Variants in DCC observed in about 807,000 individuals in gnomAD.
DCC encodes the protein netrin receptor DCC.
Under a neutral mutation model 172.5 loss-of-function variants are expected in DCC, and 58 were observed. That is an observed-to-expected ratio of 0.34 (90% CI 0.27 to 0.42). The LOEUF is 0.42. Ranked by LOEUF, DCC falls within the 10% of genes least tolerant of loss-of-function variation. The pLI is 1.00. For synonymous variants in DCC, 709 were observed against 644.5 expected, an observed-to-expected ratio of 1.10 and a Z score of -1.52; for missense variants, 1,740 against 1,791.0, an observed-to-expected ratio of 0.97 and a Z score of 0.51.
At chr18:53,158,261 A>G (rs1231011259) in intron 8 of DCC, among the ~76,000 whole-genome samples, 2 of 152,232 alleles carry the variant, frequency 1.3e-5, no homozygotes, top group Non-Finnish European at 2.9e-5. Flanking sequence ...GTTATTGTGG[A>G]TATTACTATT....
intron 12 of DCC, among the ~76,000 whole-genome samples, chr18:53,224,187 C>G (rs1325415171): frequency 6.6e-6 from 1 of 152,114 alleles, no homozygotes; most frequent in Non-Finnish European, 1.5e-5. Flanking sequence ...TTGAGGACCT[C>G]ATTTAAATCA....
At chr18:52,934,914 A>T (rs1568196926) in intron 5 of DCC, 1 of 152,128 alleles carries the variant, frequency 6.6e-6, no homozygotes, top group African/African-American at 2.4e-5. Context: ...GAACTTCCTA[A>T]TCTCCAGAGC....
intron 8 of DCC, among the ~76,000 whole-genome samples, chr18:53,171,731 A>G (rs568571816): frequency 9.9e-5 from 15 of 152,250 alleles, no homozygotes; most frequent in Admixed American, 3.9e-4. Context: ...ATAAACAGAT[A>G]CTTCTCAAAA....
intron 1 of DCC, among the ~76,000 whole-genome samples, chr18:52,368,917 A>T (rs556558476): frequency 1.4e-4 from 21 of 152,306 alleles, no homozygotes; most frequent in Admixed American, 1.0e-3. Context: ...CCAGAAAAGT[A>T]TGTATCATGA....
intron 2 of DCC, among the ~76,000 whole-genome samples, chr18:52,810,829 T>C (rs932047236): frequency 3.3e-5 from 5 of 152,188 alleles, no homozygotes; most frequent in African/African-American, 1.2e-4. Flanking sequence ...GTAACTTGGC[T>C]TTCAGGCTTC....
intron 1 of DCC, among the ~76,000 whole-genome samples, chr18:52,381,511 A>G (rs2144325048): frequency 6.6e-6 from 1 of 152,206 alleles, no homozygotes; most frequent in Non-Finnish European, 1.5e-5. Context: ...ACATTGAGGA[A>G]CCTGACCCAG....
At chr18:52,794,221 C>G (rs1438717027) in intron 2 of DCC, among the ~76,000 whole-genome samples, 1 of 151,928 alleles carries the variant, frequency 6.6e-6, no homozygotes, top group East Asian at 1.9e-4. Context: ...CATTATGTCT[C>G]TTGAATCTGT....
intron 12 of DCC, among the ~76,000 whole-genome samples, chr18:53,268,215 C>T (rs1785199868): frequency 6.6e-6 from 1 of 152,150 alleles, no homozygotes; most frequent in Non-Finnish European, 1.5e-5. Flanking sequence ...GAGGTCATTT[C>T]TTCTGTAACC....
At chr18:52,522,009 G>A (rs1004337749) in intron 1 of DCC, among the ~76,000 whole-genome samples, 4 of 152,122 alleles carry the variant, frequency 2.6e-5, no homozygotes, top group African/African-American at 9.7e-5. Context: ...TCTGCAAGCT[G>A]ACTTTGAAAA....
intron 1 of DCC, among the ~76,000 whole-genome samples, chr18:52,491,293 C>A (rs1157165622): frequency 6.6e-6 from 1 of 151,954 alleles, no homozygotes; most frequent in Non-Finnish European, 1.5e-5. Flanking sequence ...AATTTGCAGT[C>A]TAATGGAGGA....
intron 12 of DCC, among the ~76,000 whole-genome samples, chr18:53,281,499 C>G (rs968367606): frequency 7.2e-5 from 11 of 152,066 alleles, no homozygotes; most frequent in Admixed American, 1.3e-4. Flanking sequence ...AGGCCTTGTC[C>G]CCAAGGACCT....
At chr18:52,593,747 A>G (rs1298579026) in intron 1 of DCC, among the ~76,000 whole-genome samples, 2 of 152,196 alleles carry the variant, frequency 1.3e-5, no homozygotes, top group African/African-American at 2.4e-5. Context: ...GTAGAGCTCT[A>G]TCTGCTAGAT....
intron 1 of DCC, among the ~76,000 whole-genome samples, chr18:52,751,827 C>T (rs1449331790): frequency 1.3e-5 from 2 of 151,884 alleles, no homozygotes; most frequent in East Asian, 3.9e-4. Flanking sequence ...TGTAATTTCT[C>T]ATAATATTAA....
intron 1 of DCC, among the ~76,000 whole-genome samples, chr18:52,535,589 A>G (rs1383227754): frequency 6.6e-6 from 1 of 152,208 alleles, no homozygotes; most frequent in Non-Finnish European, 1.5e-5. Context: ...TAAAAGGTAT[A>G]ATCTCCATAA....
intron 12 of DCC, among the ~76,000 whole-genome samples, chr18:53,259,217 G>T (rs1206682256): frequency 2.0e-5 from 3 of 152,098 alleles, no homozygotes; most frequent in African/African-American, 7.2e-5. Flanking sequence ...TACATTTAAG[G>T]TTAATATTGT....
chr18:53,153,565 T>A (rs2054678946), intron 7 of DCC, among the ~76,000 whole-genome samples: 1 of 152,212 alleles, frequency 6.6e-6, no homozygotes, highest in African/African-American at 2.4e-5. Flanking sequence ...TTTTAATGTG[T>A]ATTTCTTGCA....
chr18:53,108,311 C>T (rs868036717), intron 7 of DCC, among the ~76,000 whole-genome samples: 1 of 151,620 alleles, frequency 6.6e-6, no homozygotes, highest in African/African-American at 2.4e-5. Flanking sequence ...TGTTTCACAC[C>T]AAAGGAAGAC....
intron 1 of DCC, among the ~76,000 whole-genome samples, chr18:52,627,483 C>T (rs1444394780): frequency 6.6e-6 from 1 of 152,092 alleles, no homozygotes; most frequent in Admixed American, 6.5e-5. Context: ...TTCTTAAATG[C>T]AAAATGAGAA....
intron 5 of DCC, among the ~76,000 whole-genome samples, chr18:52,980,929 A>G (rs2041198974): frequency 6.9e-6 from 1 of 144,696 alleles, no homozygotes; most frequent in African/African-American, 2.6e-5. Flanking sequence ...TGTTTCAGAA[A>G]ACAAACATAC....
Sources: gnomAD v4.1 joint callset for allele counts (sites outside exome capture counted in the v4.1 genomes callset) on GRCh38, gnomAD v4.1.1 for gene constraint, MANE v1.5 for transcripts, NCBI Gene and HGNC (gene_info 2026-07-23, HGNC 2026-07-21) for gene names.